CPT1A: variants seen among roughly 807,000 people sequenced by gnomAD.
CPT1A encodes carnitine O-palmitoyltransferase 1, liver isoform.
A neutral mutation model predicts 100.8 loss-of-function variants in CPT1A; 64 were observed. The observed-to-expected ratio is 0.63, with a 90% CI of 0.52 to 0.78. CPT1A has a LOEUF of 0.78. Ranked by LOEUF, CPT1A falls within the 30% of genes least tolerant of loss-of-function variation. The probability of loss-of-function intolerance (pLI) is 0.00; values close to 1 mark genes in which losing one functional copy is unlikely to be tolerated. For synonymous variants in CPT1A, 363 were observed against 396.0 expected (o/e 0.92, Z 0.99); for missense variants, 802 against 1,034.1 (o/e 0.78, Z 3.08).
In CPT1A at chr11:68,817,144, T is replaced by G. The variant is rs1019370559; in HGVS notation, c.-13-1657A>C. On this transcript the variant is annotated intron_variant, in intron 1 of 18. Transcript: ENST00000265641. ...GTGGTGATGTGTGGTTGTGTGGGGG[T>G]GTGTGTGTCTGTGTGTGTGTGTGTG... Among the ~76,000 whole-genome samples the G allele has an allele frequency of 1.0e-4, 13 of 126,842 alleles. No individual in the cohort carries two copies. In the South Asian group the frequency reaches 2.2e-3, roughly 21 times the overall value. The allele number at this position is 126,842 out of a possible 152,430, so 83.2% of individuals were successfully genotyped here. A position where few individuals can be genotyped will look rare whatever the true frequency, so the allele number is the denominator to read the frequency against.
At chr11:68,812,823 A>G (rs895121180) in intron 2 of CPT1A, among the ~76,000 whole-genome samples, 1 of 152,088 alleles carries the variant, frequency 6.6e-6, no homozygotes, top group Non-Finnish European at 1.5e-5. Context: ...AGCTTCCCCA[A>G]GAGTCGACGC....
chr11:68,834,142 A>C (rs1182790789), intron 1 of CPT1A, among the ~76,000 whole-genome samples: 1 of 152,218 alleles, frequency 6.6e-6, no homozygotes, highest in Non-Finnish European at 1.5e-5. Flanking sequence ...GTCAGGTTAT[A>C]AAAGGAATTC....
chr11:68,782,092 C>T, intron 10 of CPT1A, 133 bp from the exon 11 acceptor site: 1 of 835,126 alleles, frequency 1.2e-6, no homozygotes, highest in South Asian at 1.5e-5. Flanking sequence ...GATGATGTTC[C>T]CCATCTGAGA....
chr11:68,771,396 T>C (rs1594325135), intron 14 of CPT1A, among the ~76,000 whole-genome samples: 1 of 152,316 alleles, frequency 6.6e-6, no homozygotes, highest in Admixed American at 6.5e-5. Context: ...GTAGGTAAGG[T>C]ATCAACTGCT....
Position 68,810,895 on chromosome 11 carries a change from G to A in CPT1A, c.281+1542C>T, listed in dbSNP as rs528340175. 2.0e-4 allele frequency among the ~76,000 whole-genome samples: 30 copies of A among 152,240 alleles called. No individual in the cohort carries two copies. The East Asian group carries it at 4.3e-3, about 22-fold the overall frequency. On this transcript the variant is annotated intron_variant, in intron 3 of 18. Transcript: ENST00000265641. Reference sequence around the variant, plus strand: ...AGCTACTCAGGAGGCTGAGGCAGGAGAATTGCTTGAACCCGGGAGGCGGAG... The same window carrying A: ...AGCTACTCAGGAGGCTGAGGCAGGAAAATTGCTTGAACCCGGGAGGCGGAG...
In CPT1A at chr11:68,807,599, G is replaced by A. The variant is rs369211509; in HGVS notation, c.321C>T (p.Gly107=). The A allele has an allele frequency of 7.4e-6, 12 of 1,614,060 alleles. No homozygotes were observed. The highest frequency in any genetic ancestry group is 3.3e-5 in the South Asian group (3 of 91,092). Reference sequence around the variant, plus strand: ...CCCACAGGCCGGTGCCAAACAGCACGCCGCTGACCACGTTCTTCGTCTGGC... The same window carrying A: ...CCCACAGGCCGGTGCCAAACAGCACACCGCTGACCACGTTCTTCGTCTGGC... ...MSSQTKNVVS[G]VLFGTGLWVA... The change falls in exon 4 of 19, where the codon GGC becomes GGT. Residue 107 remains glycine (G), a synonymous_variant. Coordinates refer to ENST00000265641, the MANE Select transcript of CPT1A (RefSeq NM_001876.4).
chr11:68,762,356 T>C (rs1854651047), intron 15 of CPT1A, among the ~76,000 whole-genome samples: 1 of 152,248 alleles, frequency 6.6e-6, no homozygotes, highest in African/African-American at 2.4e-5. Context: ...TTGTGTGTCC[T>C]GGCCTAATTT....
intron 3 of CPT1A, among the ~76,000 whole-genome samples, chr11:68,811,502 C>T (rs1002444899): frequency 6.6e-6 from 1 of 152,092 alleles, no homozygotes; most frequent in Non-Finnish European, 1.5e-5. Context: ...GGTGGTAAAG[C>T]AGCGGTGTTC....
At chr11:68,798,979 T>C (rs1855828433) in intron 6 of CPT1A, among the ~76,000 whole-genome samples, 3 of 152,064 alleles carry the variant, frequency 2.0e-5, no homozygotes, top group Admixed American at 6.6e-5. Flanking sequence ...CTGGTCAACA[T>C]AGTGAGACTC....
chr11:68,790,469 G>T (rs1461232431), intron 9 of CPT1A, among the ~76,000 whole-genome samples: 1 of 152,010 alleles, frequency 6.6e-6, no homozygotes, highest in Non-Finnish European at 1.5e-5. Flanking sequence ...TTGTAAGAGA[G>T]ACACACACAC....
chr11:68,812,100 C>A (rs1856227998), intron 3 of CPT1A, among the ~76,000 whole-genome samples: 2 of 152,192 alleles, frequency 1.3e-5, no homozygotes. Context: ...GGAATCAGCC[C>A]TTTGAGCAGA....
In CPT1A at chr11:68,768,680, A is replaced by ACAGGCAC. The variant is rs575299601; in HGVS notation, c.1740+4578_1740+4584dup. ...CTAGGCCTCCCAAAGTGCTGGGTTTACAGGCACGAGCCACTGCGCCTGGCC... is the reference window on the plus strand; with the variant it reads ...CTAGGCCTCCCAAAGTGCTGGGTTTACAGGCACCAGGCACGAGCCACTGCGCCTGGCC... On this transcript the variant is annotated intron_variant, in intron 14 of 18. Transcript: ENST00000265641. Among the ~76,000 whole-genome samples, 402 of 152,288 alleles carry ACAGGCAC rather than the reference A, an allele frequency of 2.6e-3. 1 individual carries two copies. Among genetic ancestry groups the ACAGGCAC allele is most frequent in the African/African-American group, 9.1e-3 (378 of 41,544 alleles).
chr11:68,789,275 T>C (rs566651660), intron 9 of CPT1A, among the ~76,000 whole-genome samples: 13 of 152,316 alleles, frequency 8.5e-5, no homozygotes, highest in Admixed American at 5.9e-4. Context: ...GGAATTTGAA[T>C]GGTCTAATTA....
chr11:68,841,667 C>A lies in CPT1A; in HGVS notation c.-14+108G>T. 1 of 576,868 alleles carries A rather than the reference C, an allele frequency of 1.7e-6. No individual in the cohort carries two copies. The highest frequency in any genetic ancestry group is 2.2e-6 in the Non-Finnish European group (1 of 455,816). 35.7% of individuals were successfully genotyped at this position (576,868 alleles called of 1,614,324 possible). On this transcript the variant is annotated intron_variant, in intron 1 of 18. Coordinates refer to ENST00000265641, the MANE Select transcript of CPT1A (RefSeq NM_001876.4). The surrounding 1 kb of genome is among the most constrained non-coding windows in gnomAD (Gnocchi z 6.3). Reference sequence around the variant, plus strand: ...CTCGGCGCCCCGGTTCCGGCGGCGTCCCCCACCCGGTCCGGTTCCCGGCAG... The same window carrying A: ...CTCGGCGCCCCGGTTCCGGCGGCGTACCCCACCCGGTCCGGTTCCCGGCAG...
At chr11:68,784,794 C>T (rs749504204) in intron 10 of CPT1A, 21 bp downstream of exon 10, 1 of 1,602,944 alleles carries the variant, frequency 6.2e-7, no homozygotes. Flanking sequence ...CAAAACAGGA[C>T]AAGGGACCTA....
intron 3 of CPT1A, among the ~76,000 whole-genome samples, chr11:68,808,084 G>A (rs1454243393): frequency 6.6e-6 from 1 of 152,224 alleles, no homozygotes; most frequent in African/African-American, 2.4e-5. Flanking sequence ...CCCGGCAGGT[G>A]CGCAGGAGAT....
chr11:68,766,293 T>A (rs1281084239), intron 14 of CPT1A, among the ~76,000 whole-genome samples: 1 of 151,246 alleles, frequency 6.6e-6, no homozygotes, highest in Non-Finnish European at 1.5e-5. Context: ...GCCCAAGGGG[T>A]CCAGGGCAGA....
chr11:68,812,188 C>T (rs1218706631), intron 3 of CPT1A, among the ~76,000 whole-genome samples: 4 of 152,196 alleles, frequency 2.6e-5, no homozygotes, highest in African/African-American at 9.6e-5. Flanking sequence ...TGACACCTTC[C>T]AAGGGGTGCC....
intron 14 of CPT1A, among the ~76,000 whole-genome samples, chr11:68,766,127 TC>T (rs1854790309): frequency 6.6e-6 from 1 of 152,044 alleles, no homozygotes; most frequent in Non-Finnish European, 1.5e-5. Flanking sequence ...TGTCTCAGCC[TC>T]CCAAAGTGCT....
Sources: gnomAD v4.1 joint callset for allele counts (sites outside exome capture counted in the v4.1 genomes callset) on GRCh38, gnomAD v4.1.1 for gene constraint, Gnocchi (gnomAD v3.1) non-coding constraint, MANE v1.5 for transcripts, NCBI Gene and HGNC (gene_info 2026-07-23, HGNC 2026-07-21) for gene names.